The following RPS6KA6 variants were observed in gnomAD, a reference collection of about 807,000 sequenced individuals.
RPS6KA6 encodes ribosomal protein S6 kinase A6, also known as ribosomal protein S6 kinase alpha-6.
Under a neutral mutation model 65.4 loss-of-function variants are expected in RPS6KA6, and 27 were observed. That is an observed-to-expected ratio of 0.41 (90% confidence interval 0.30 to 0.57). The LOEUF is 0.57. Ranked by LOEUF, RPS6KA6 falls within the 20% of genes least tolerant of loss-of-function variation. The pLI, the probability that RPS6KA6 is intolerant of heterozygous loss-of-function variation, is 0.24. For missense variants in RPS6KA6, 486 were observed against 555.6 expected (o/e 0.87, Z 1.26); for synonymous variants, 190 against 184.2 (o/e 1.03, Z -0.26).
chrX:84,084,359 C>T (rs1166470230), intron 20 of RPS6KA6, among the ~76,000 whole-genome samples: 1 of 112,205 alleles, frequency 8.9e-6, no homozygotes, highest in East Asian at 2.8e-4. Flanking sequence ...ACATTTAAGT[C>T]TTTAATCCAT....
At chrX:84,186,921 TAAC>T (rs1007314994) in intron 1 of RPS6KA6, 1 of 111,787 alleles carries the variant, frequency 8.9e-6, no homozygotes, top group African/African-American at 3.3e-5. Flanking sequence ...CCCGCTTTTA[TAAC>T]AACAATAAAA....
chrX:84,070,224 C>T (rs944546854), intron 20 of RPS6KA6, among the ~76,000 whole-genome samples: 11 of 111,713 alleles, frequency 9.8e-5, no homozygotes, highest in Non-Finnish European at 2.1e-4. Flanking sequence ...GAATATTATG[C>T]AGCCATCATG....
intron 12 of RPS6KA6, among the ~76,000 whole-genome samples, chrX:84,109,081 C>T (rs1045365146): frequency 4.0e-4 from 45 of 111,929 alleles, no homozygotes; most frequent in African/African-American, 1.3e-3. Context: ...CACTCCTGGG[C>T]CAAGGAGACA....
chrX:84,108,587 A>G (rs1426012256), intron 12 of RPS6KA6, among the ~76,000 whole-genome samples: 1 of 110,537 alleles, frequency 9.0e-6, no homozygotes, highest in African/African-American at 3.3e-5. Flanking sequence ...AGATTGAGTG[A>G]GAGACCCCCA....
At chrX:84,067,307 G>A (rs2033426888) in intron 20 of RPS6KA6, among the ~76,000 whole-genome samples, 1 of 111,551 alleles carries the variant, frequency 9.0e-6, no homozygotes, top group Non-Finnish European at 1.9e-5. Flanking sequence ...GGCTTCAGAA[G>A]GTGGGTAATA....
At chrX:84,091,940 C>T (rs2034054839) in intron 20 of RPS6KA6, among the ~76,000 whole-genome samples, 1 of 111,372 alleles carries the variant, frequency 9.0e-6, no homozygotes, top group Non-Finnish European at 1.9e-5. Context: ...GACAGAAAAC[C>T]AAACACTCCA....
rs2034186581 is a variant in RPS6KA6 at position 84,097,850 on chromosome X, TAAGA to T, written c.1777-6_1777-3del. The stretch of plus-strand genomic sequence containing the variant: ...ATCATATCCCTGTTGCATAAGAACC[TAAGA>T]AAGAAATACTCATTATATGGTGTTA... On this transcript the variant is annotated splice_polypyrimidine_tract_variant and splice_region_variant and intron_variant, in intron 18 of 21. Coordinates refer to ENST00000262752, the MANE Select transcript of RPS6KA6 (RefSeq NM_014496.5). The T allele has an allele frequency of 8.5e-7, 1 of 1,169,913 alleles. No homozygotes were observed. Among genetic ancestry groups the T allele is most frequent in the Non-Finnish European group, 1.2e-6 (1 of 862,976 alleles).
chrX:84,133,583 A>AACCTTAATGTAG (rs2034940944), intron 8 of RPS6KA6, among the ~76,000 whole-genome samples: 1 of 111,327 alleles, frequency 9.0e-6, no homozygotes, highest in African/African-American at 3.3e-5. Context: ...TTACGTAATT[A>AACCTTAATGTAG]ACCTTAATGT....
At chrX:84,077,559 A>C (rs1044267230) in intron 20 of RPS6KA6, among the ~76,000 whole-genome samples, 1 of 111,897 alleles carries the variant, frequency 8.9e-6, no homozygotes, top group Non-Finnish European at 1.9e-5. Context: ...TTCACATGTA[A>C]AAATGAACTT....
At chrX:84,151,571 G>A (rs1044895409) in intron 3 of RPS6KA6, among the ~76,000 whole-genome samples, 3 of 110,724 alleles carry the variant, frequency 2.7e-5, no homozygotes, top group African/African-American at 9.8e-5. Flanking sequence ...TCAAGGAAAA[G>A]TGGTGATCCA....
Position 84,059,201 on chromosome X carries a change from G to A in RPS6KA6, c.*5076C>T, listed in dbSNP as rs1266639874. On this transcript the variant is annotated 3_prime_UTR_variant, in exon 22 of 22. Coordinates refer to ENST00000262752, the MANE Select transcript of RPS6KA6 (RefSeq NM_014496.5). ...GCTGGAGTGAAATTGGCACAATCTC[G>A]GCTCACCGCAACCTCTGCCTCCCAG... 1.1e-5 allele frequency: 1 copy of A among 92,820 alleles called. No homozygotes were observed. Among genetic ancestry groups the A allele is most frequent in the Non-Finnish European group, 2.0e-5 (1 of 49,008 alleles). 7.6% of individuals were successfully genotyped at this position (92,820 alleles called of 1,213,427 possible). A position where few individuals can be genotyped will look rare whatever the true frequency, so the allele number is the denominator to read the frequency against.
chrX:84,147,748 G>A (rs972790952), intron 4 of RPS6KA6, among the ~76,000 whole-genome samples: 3 of 111,841 alleles, frequency 2.7e-5, no homozygotes, highest in African/African-American at 9.8e-5. Context: ...AGATAGAAAA[G>A]GAAAAACCAA....
At chrX:84,134,370 A>G (rs1198238289) in intron 8 of RPS6KA6, among the ~76,000 whole-genome samples, 1 of 111,455 alleles carries the variant, frequency 9.0e-6, no homozygotes, top group Non-Finnish European at 1.9e-5. Context: ...TGACTACTGT[A>G]TGATTCTATT....
intron 20 of RPS6KA6, among the ~76,000 whole-genome samples, chrX:84,093,311 T>G (rs752000986): frequency 8.9e-6 from 1 of 112,061 alleles, no homozygotes; most frequent in East Asian, 2.8e-4. Context: ...ACAACTAAAG[T>G]GTACTAGTTT....
chrX:84,073,997 A>G (rs1299730201), intron 20 of RPS6KA6, among the ~76,000 whole-genome samples: 2 of 111,743 alleles, frequency 1.8e-5, no homozygotes, highest in African/African-American at 6.5e-5. Flanking sequence ...GTACTAACAT[A>G]TGATCCAGCA....
chrX:84,092,613 T>A (rs1213364373), intron 20 of RPS6KA6, among the ~76,000 whole-genome samples: 1 of 104,562 alleles, frequency 9.6e-6, no homozygotes, highest in African/African-American at 3.6e-5. Context: ...AGAGTGAGAC[T>A]CCGTATCAAA....
At chrX:84,147,548 G>C (rs1429493277) in intron 4 of RPS6KA6, among the ~76,000 whole-genome samples, 1 of 111,540 alleles carries the variant, frequency 9.0e-6, no homozygotes, top group Non-Finnish European at 1.9e-5. Context: ...CTGGGCTCAA[G>C]GGTTCAGCCC....
chrX:84,078,627 TCAA>T (rs757847794), intron 20 of RPS6KA6, among the ~76,000 whole-genome samples: 2 of 111,888 alleles, frequency 1.8e-5, no homozygotes, highest in Admixed American at 9.5e-5. Context: ...TTGCTGTACT[TCAA>T]CAACATAGAT....
Position 84,156,193 on chromosome X carries a change from T to G in RPS6KA6, c.142-2A>C. On this transcript the variant is annotated splice_acceptor_variant, in intron 2 of 21. Coordinates refer to ENST00000262752, the MANE Select transcript of RPS6KA6 (RefSeq NM_014496.5). LOFTEE classifies it high-confidence loss of function. ...GATTTCTTTAACAACTCCTTCATCC[T>G]GTAAAAAGAAATCCAAACAATACTT... The G allele has an allele frequency of 1.0e-6, 1 of 1,000,253 alleles. No homozygotes were observed. The highest frequency in any genetic ancestry group is 1.4e-6 in the Non-Finnish European group (1 of 708,224). 82.4% of individuals were successfully genotyped at this position (1,000,253 alleles called of 1,213,427 possible).
Sources: gnomAD v4.1 joint callset for allele counts (sites outside exome capture counted in the v4.1 genomes callset) on GRCh38, gnomAD v4.1.1 for gene constraint, MANE v1.5 for transcripts, NCBI Gene and HGNC (gene_info 2026-07-23, HGNC 2026-07-21) for gene names.